Variants in DENND4C observed in about 807,000 individuals in gnomAD.
DENND4C encodes DENN domain containing 4C.
A neutral mutation model predicts 203.0 loss-of-function variants in DENND4C; 108 were observed. The ratio of observed to expected loss-of-function variants is 0.53; its 90% CI spans 0.46 to 0.62. The LOEUF is 0.62. Ranked by LOEUF, DENND4C falls within the 20% of genes least tolerant of loss-of-function variation. DENND4C has a pLI of 0.00. For missense variants in DENND4C, 2,481 were observed against 2,301.2 expected, an observed-to-expected ratio of 1.08 and a Z score of -1.60; for synonymous variants, 871 against 792.4, an observed-to-expected ratio of 1.10 and a Z score of -1.67.
rs1817776596 is a variant in DENND4C, at chr9:19,326,111, T to G, written c.2037T>G (p.Asp679Glu). 4.3e-6 allele frequency: 7 copies of G among 1,613,118 alleles called. No individual in the cohort carries two copies. The Admixed American group carries it at 1.0e-4, about 23-fold the overall frequency. Reference sequence around the variant, plus strand: ...ATACCAGATTGATAGAACTAGATGATTCACAGAAAAGTGAGCATACTGTAT... The same window carrying G: ...ATACCAGATTGATAGAACTAGATGAGTCACAGAAAAGTGAGCATACTGTAT... ...AEDTRLIELDDSQKSEHTVFI... is the reference protein window; with the variant it reads ...AEDTRLIELDESQKSEHTVFI... The change falls in exon 15 of 33, where the codon GAT becomes GAG. Residue 679 changes from aspartate to glutamate, a missense_variant. By Grantham distance (45) the Asp-to-Glu change is conservative. Around this residue, in one of 3 missense-constraint regions of DENND4C, gnomAD observed 2,289 missense variants for 2,113.3 expected, o/e 1.08. Coordinates refer to ENST00000434457, the MANE Select transcript of DENND4C (RefSeq NM_001330640.2).
intron 4 of DENND4C, 62 bp from the exon 5 acceptor site, chr9:19,290,642 C>G (rs1588853152): frequency 8.7e-7 from 1 of 1,147,450 alleles, no homozygotes; most frequent in African/African-American, 1.6e-5. Context: ...TAATACCTAT[C>G]ATATGCAATT....
Position 19,305,367 on chromosome 9 carries a change from C to A in DENND4C, c.1327C>A (p.Gln443Lys). Residue 443 changes from glutamine to lysine, a missense_variant, in exon 10 of 33, where the codon CAG (glutamine) becomes AAG (lysine). Gln to Lys is a moderately conservative substitution (Grantham distance 53). Around this residue, in one of 3 missense-constraint regions of DENND4C, gnomAD observed 2,289 missense variants for 2,113.3 expected, o/e 1.08. Coordinates refer to ENST00000434457, the MANE Select transcript of DENND4C (RefSeq NM_001330640.2). ...EAVVAMIFPF[Q>K]WQCPYIPLCP... is the part of the protein sequence containing the mutation. Reference sequence around the variant, plus strand: ...TTTTCCCCAGATGATCTTTCCATTTCAGTGGCAATGCCCATATATTCCCCT... The same window carrying A: ...TTTTCCCCAGATGATCTTTCCATTTAAGTGGCAATGCCCATATATTCCCCT... 1 of 1,600,274 alleles carries A rather than the reference C, an allele frequency of 6.2e-7. No individual in the cohort carries two copies. The highest frequency in any genetic ancestry group is 1.1e-5 in the South Asian group (1 of 88,122).
chr9:19,303,758 T>G (rs984135397), intron 9 of DENND4C, among the ~76,000 whole-genome samples: 1 of 152,150 alleles, frequency 6.6e-6, no homozygotes, highest in African/African-American at 2.4e-5. Context: ...CAGATAAGGG[T>G]GATAATTGAA....
chr9:19,319,195 G>A (rs1384729470), intron 12 of DENND4C, among the ~76,000 whole-genome samples: 1 of 142,230 alleles, frequency 7.0e-6, no homozygotes, highest in South Asian at 2.2e-4. Flanking sequence ...ATATATACAC[G>A]TATATACACA....
At chr9:19,340,964 A>G (rs756706049) in intron 20 of DENND4C, 28 bp from the exon 21 acceptor site, 3 of 1,559,652 alleles carry the variant, frequency 1.9e-6, no homozygotes, top group Admixed American at 2.0e-5. Flanking sequence ...GAAAACATTT[A>G]TATGTAAGTC....
At chr9:19,326,327 A>G in intron 15 of DENND4C, 133 bp downstream of exon 15, 1 of 931,830 alleles carries the variant, frequency 1.1e-6, no homozygotes, top group Non-Finnish European at 1.5e-6. Context: ...GTAGATAAAT[A>G]TTTTATGGAA....
chr9:19,373,387 A>G lies in DENND4C; in HGVS notation c.*1214A>G, dbSNP rs540739561. The G allele has an allele frequency of 6.5e-6, 1 of 152,752 alleles. No individual in the cohort carries two copies. Among genetic ancestry groups the G allele is most frequent in the African/African-American group, 2.4e-5 (1 of 41,578 alleles). The allele number at this position is 152,752 out of a possible 1,614,324, so 9.5% of individuals were successfully genotyped here. On this transcript the variant is annotated 3_prime_UTR_variant, in exon 33 of 33. Coordinates refer to ENST00000434457, the MANE Select transcript of DENND4C (RefSeq NM_001330640.2). ...TCATTGGAATGTGCTTAAAATGCTA[A>G]AGTGTATGTCATTGAACATGAAATC...
chr9:19,230,627 C>T (rs367984488), upstream of DENND4C: 6 of 152,108 alleles, frequency 3.9e-5, no homozygotes, highest in Non-Finnish European at 5.9e-5. Flanking sequence ...GGCCAGCGCT[C>T]CGGCCATCGC....
rs142088290 is a variant in DENND4C, at chr9:19,255,633, T to G, written c.-17-20525T>G. On this transcript the variant is annotated intron_variant, in intron 1 of 32. Transcript: ENST00000434457. ...GGAATGAAGAAGGGTAATTTTTTAA[T>G]GCTTTTTTTATAATGATAAAGGAAT... Among the ~76,000 whole-genome samples, 250 of 152,284 alleles carry G rather than the reference T, an allele frequency of 1.6e-3. 1 individual carries two copies. The East Asian group carries it at 0.026, about 16-fold the overall frequency.
Position 19,355,306 on chromosome 9 carries a change from A to G in DENND4C, c.4782-1666A>G, listed in dbSNP as rs988036411. ...ACTTGAAAGCATTAATTTTGATGTC[A>G]TCCATTAATTTTTTACCTTGCAATT... On this transcript the variant is annotated intron_variant, in intron 26 of 32. Transcript: ENST00000434457. Among the ~76,000 whole-genome samples, 10 of 152,292 alleles carry G rather than the reference A, an allele frequency of 6.6e-5. 1 individual carries two copies. The highest frequency in any genetic ancestry group is 4.6e-4 in the Admixed American group (7 of 15,298).
At chr9:19,236,834 CAT>C (rs1232275349) in intron 1 of DENND4C, among the ~76,000 whole-genome samples, 1 of 152,178 alleles carries the variant, frequency 6.6e-6, no homozygotes, top group Non-Finnish European at 1.5e-5. Flanking sequence ...AGAGCGTTTG[CAT>C]ATATACTATT....
chr9:19,249,668 A>C (rs544366535), intron 1 of DENND4C, among the ~76,000 whole-genome samples: 1 of 152,326 alleles, frequency 6.6e-6, no homozygotes, highest in South Asian at 2.1e-4. Flanking sequence ...AGTGAAGAAA[A>C]TCAACAAATT....
At chr9:19,267,610 T>C (rs1830773012) in intron 1 of DENND4C, among the ~76,000 whole-genome samples, 1 of 151,692 alleles carries the variant, frequency 6.6e-6, no homozygotes, top group South Asian at 2.1e-4. Context: ...GATCACGGAT[T>C]ACTGTGACCT....
At chr9:19,309,306 C>T (rs1840300048) in intron 10 of DENND4C, among the ~76,000 whole-genome samples, 1 of 151,830 alleles carries the variant, frequency 6.6e-6, no homozygotes, top group African/African-American at 2.4e-5. Context: ...CCTGTAATCC[C>T]AGCTATCCGG....
chr9:19,329,043 A>T (rs987649373), intron 16 of DENND4C, among the ~76,000 whole-genome samples: 3 of 152,150 alleles, frequency 2.0e-5, no homozygotes, highest in Non-Finnish European at 4.4e-5. Context: ...GAGCAAAATT[A>T]AGTTTTAGAA....
At position 19,286,744 on chromosome 9, in the gene DENND4C, A is replaced by G. The variant is rs1378949225; in HGVS notation, c.306-25A>G. ...TGTGTGTATGTATATATCTATATCT[A>G]TTTCTTCCCCTTCCTGCCATGCAGA... is the stretch of plus-strand genomic sequence containing the variant. On this transcript the variant is annotated intron_variant, in intron 2 of 32. Coordinates refer to ENST00000434457, the MANE Select transcript of DENND4C (RefSeq NM_001330640.2). The G allele has an allele frequency of 1.9e-5, 23 of 1,231,026 alleles. No individual in the cohort carries two copies. In the South Asian group the frequency reaches 2.5e-4, roughly 13 times the overall value. The allele number at this position is 1,231,026 out of a possible 1,614,324, so 76.3% of individuals were successfully genotyped here. A position where few individuals can be genotyped will look rare whatever the true frequency, so the allele number is the denominator to read the frequency against.
intron 12 of DENND4C, 85 bp downstream of exon 12, chr9:19,316,924 A>G (rs964131277): frequency 2.5e-6 from 3 of 1,177,968 alleles, no homozygotes; most frequent in Non-Finnish European, 3.5e-6. Flanking sequence ...TACTTATTGT[A>G]TAAATTATTA....
chr9:19,249,055 T>C (rs1031678641), intron 1 of DENND4C, among the ~76,000 whole-genome samples: 5 of 152,180 alleles, frequency 3.3e-5, no homozygotes, highest in African/African-American at 1.2e-4. Flanking sequence ...TCTCCCAAAG[T>C]GCTGGGATTA....
chr9:19,284,934 G>C (rs1834884580), intron 2 of DENND4C, among the ~76,000 whole-genome samples: 1 of 152,016 alleles, frequency 6.6e-6, no homozygotes, highest in Admixed American at 6.6e-5. Context: ...ATTGGTACTG[G>C]ATTTTGAGTC....
Sources: gnomAD v4.1 joint callset for allele counts (sites outside exome capture counted in the v4.1 genomes callset) on GRCh38, gnomAD v4.1.1 for gene constraint, gnomAD v4.1.1 regional missense constraint, MANE v1.5 for transcripts, NCBI Gene and HGNC (gene_info 2026-07-23, HGNC 2026-07-21) for gene names.